The following MON2 variants were observed in gnomAD, a reference collection of about 807,000 sequenced individuals.
The protein encoded by MON2 is MON2 regulator of endosome-to-Golgi trafficking, also known as protein MON2 homolog.
In MON2, 84 loss-of-function variants were observed where a neutral mutation model predicts 208.6. The ratio of observed to expected loss-of-function variants is 0.40; its 90% confidence interval spans 0.34 to 0.48. MON2 has a LOEUF of 0.48. Ranked by LOEUF, MON2 falls within the 20% of genes least tolerant of loss-of-function variation. MON2 has a pLI of 0.59. For missense variants in MON2, 1,611 were observed against 2,015.4 expected (o/e 0.80, Z 3.84); for synonymous variants, 660 against 694.0 (o/e 0.95, Z 0.77).
At chr12:62,561,175 G>A in intron 26 of MON2, 62 bp downstream of exon 26, 1 of 1,392,034 alleles carries the variant, frequency 7.2e-7, no homozygotes, top group South Asian at 1.5e-5. Flanking sequence ...TTTTTATTTT[G>A]CTATATATTT....
chr12:62,468,143 A>G (rs372326824), intron 1 of MON2, among the ~76,000 whole-genome samples: 8 of 143,032 alleles, frequency 5.6e-5, no homozygotes, highest in African/African-American at 2.2e-4. Context: ...TTAAAATGCC[A>G]TTTTAATTCT....
chr12:62,559,028 G>A (rs1245865450), intron 25 of MON2, among the ~76,000 whole-genome samples: 1 of 152,106 alleles, frequency 6.6e-6, no homozygotes, highest in Non-Finnish European at 1.5e-5. Flanking sequence ...ATATGGAGGG[G>A]AAAGATGCAT....
intron 1 of MON2, among the ~76,000 whole-genome samples, chr12:62,477,502 T>C (rs187270615): frequency 6.6e-4 from 100 of 152,092 alleles, no homozygotes; most frequent in Admixed American, 1.7e-3. Flanking sequence ...CACAACTCAC[T>C]GTAGCCTCGA....
chr12:62,536,315 T>C (rs942680468), intron 14 of MON2, among the ~76,000 whole-genome samples: 2 of 152,202 alleles, frequency 1.3e-5, no homozygotes. Flanking sequence ...TTGAATTCTT[T>C]AAGAATACTT....
intron 29 of MON2, among the ~76,000 whole-genome samples, chr12:62,567,794 A>T (rs570745134): frequency 4.6e-5 from 7 of 152,354 alleles, no homozygotes; most frequent in African/African-American, 1.7e-4. Context: ...GTAATACTAC[A>T]GTATGTTAAG....
intron 1 of MON2, among the ~76,000 whole-genome samples, chr12:62,479,658 A>C (rs949514696): frequency 4.6e-5 from 7 of 152,174 alleles, no homozygotes; most frequent in African/African-American, 1.7e-4. Context: ...TAAACGCTGC[A>C]GTGTATTTAA....
chr12:62,494,294 C>G (rs1256268936), intron 3 of MON2, among the ~76,000 whole-genome samples: 2 of 152,024 alleles, frequency 1.3e-5, no homozygotes, highest in African/African-American at 4.8e-5. Context: ...GAGACTCAAG[C>G]AAGTTTTCAA....
chr12:62,526,815 T>C (rs893172076), intron 11 of MON2, among the ~76,000 whole-genome samples: 1 of 152,110 alleles, frequency 6.6e-6, no homozygotes, highest in Non-Finnish European at 1.5e-5. Flanking sequence ...ATATTTTGAG[T>C]AATTGGTATG....
intron 1 of MON2, among the ~76,000 whole-genome samples, chr12:62,472,789 G>A (rs1252724946): frequency 6.6e-6 from 1 of 152,134 alleles, no homozygotes; most frequent in East Asian, 1.9e-4. Flanking sequence ...CTTGGGATCT[G>A]TTTTGGTTTA....
Position 62,538,249 on chromosome 12 carries a change from C to A in MON2, c.2200-3C>A, listed in dbSNP as rs79088816. On this transcript the variant is annotated splice_region_variant and splice_polypyrimidine_tract_variant and intron_variant, in intron 17 of 34. Transcript: ENST00000393630. ...ATATTACATTTAATTTTATTCTTCT[C>A]AGGTTCTAACAACAGCAGTGATGAC... 7.7e-3 allele frequency: 12,440 copies of A among 1,612,428 alleles called. 814 individuals carry two copies. In the African/African-American group the frequency reaches 0.14, roughly 18 times the overall value.
At chr12:62,561,136 G>C in intron 26 of MON2, 23 bp downstream of exon 26, 3 of 1,555,824 alleles carry the variant, frequency 1.9e-6, no homozygotes, top group Non-Finnish European at 2.6e-6. Context: ...TAGTGGCTAA[G>C]TAATACTGCA....
chr12:62,537,018 C>T (rs7134302), intron 14 of MON2, 133 bp from the exon 15 acceptor site: 164,858 of 462,860 alleles, frequency 0.36, 29,954 homozygotes, highest in African/African-American at 0.4. Flanking sequence ...TGTTTTGATA[C>T]AGATATTAGG....
At chr12:62,474,414 G>A (rs1376830274) in intron 1 of MON2, among the ~76,000 whole-genome samples, 1 of 145,370 alleles carries the variant, frequency 6.9e-6, no homozygotes, top group African/African-American at 2.5e-5. Flanking sequence ...CACTGCGCCT[G>A]GCCTCTTCTT....
intron 2 of MON2, among the ~76,000 whole-genome samples, chr12:62,491,620 A>G (rs1293569242): frequency 6.6e-6 from 1 of 152,202 alleles, no homozygotes; most frequent in Non-Finnish European, 1.5e-5. Flanking sequence ...ATAATATTGT[A>G]GGAAGAATAG....
intron 14 of MON2, among the ~76,000 whole-genome samples, chr12:62,536,686 G>GTT (rs912936345): frequency 6.8e-6 from 1 of 146,958 alleles, no homozygotes; most frequent in Non-Finnish European, 1.5e-5. Flanking sequence ...AAGTTTTTGT[G>GTT]TTTTTTTGTT....
chr12:62,574,121 C>T (rs2074695029), intron 30 of MON2, among the ~76,000 whole-genome samples: 1 of 152,104 alleles, frequency 6.6e-6, no homozygotes, highest in Admixed American at 6.5e-5. Context: ...TAATAATGCT[C>T]CCTAACTTAC....
In MON2 at chr12:62,599,288, AG is replaced by A. The variant is rs2075584421; in HGVS notation, c.*6540del. 1 of 152,210 alleles carries A rather than the reference AG, an allele frequency of 6.6e-6. No homozygotes were observed. Among genetic ancestry groups the A allele is most frequent in the Non-Finnish European group, 1.5e-5 (1 of 68,026 alleles). 9.4% of individuals were successfully genotyped at this position (152,210 alleles called of 1,614,324 possible). ...CTAGGTCAAGTAAAAATCCTGATGTAGATTAGATTATCTTAATCTTATGAGC... is the reference window on the plus strand; with the variant it reads ...CTAGGTCAAGTAAAAATCCTGATGTAATTAGATTATCTTAATCTTATGAGC... On this transcript the variant is annotated 3_prime_UTR_variant, in exon 35 of 35. Coordinates refer to ENST00000393630, the MANE Select transcript of MON2 (RefSeq NM_015026.3).
chr12:62,533,564 T>C (rs2072760062), intron 12 of MON2, among the ~76,000 whole-genome samples: 2 of 152,228 alleles, frequency 1.3e-5, no homozygotes, highest in African/African-American at 4.8e-5. Flanking sequence ...CCTTTGGACA[T>C]GTCCCATGCC....
rs2072264614 is a variant in MON2 at position 62,525,122 on chromosome 12, C to T, written c.1148C>T (p.Thr383Ile). 8 of 1,611,456 alleles carry T rather than the reference C, an allele frequency of 5.0e-6. No homozygotes were observed. Among genetic ancestry groups the T allele is most frequent in the Non-Finnish European group, 6.8e-6 (8 of 1,177,884 alleles). The change falls in exon 10 of 35, where the codon ACC (threonine) becomes ATC (isoleucine). Residue 383 changes from threonine to isoleucine, a missense_variant. By Grantham distance (89) the Thr-to-Ile change is moderately conservative. Transcript: ENST00000393630. ...CQSYDMKQHS[T>I]KVFRDIVNAL... Reference sequence around the variant, plus strand: ...TCCTATGATATGAAACAGCATTCTACCAAGGTTTTTCGTGATATTGTAAAT... The same window carrying T: ...TCCTATGATATGAAACAGCATTCTATCAAGGTTTTTCGTGATATTGTAAAT...
Sources: gnomAD v4.1 joint callset for allele counts (sites outside exome capture counted in the v4.1 genomes callset) on GRCh38, gnomAD v4.1.1 for gene constraint, MANE v1.5 for transcripts, NCBI Gene and HGNC (gene_info 2026-07-23, HGNC 2026-07-21) for gene names.